EDC3: variants seen among roughly 807,000 people sequenced by gnomAD.
The protein encoded by EDC3 is enhancer of mRNA decapping 3.
A neutral mutation model predicts 41.8 loss-of-function variants in EDC3; 20 were observed. That is an observed-to-expected ratio of 0.48 (90% CI 0.34 to 0.70). The LOEUF (loss-of-function observed/expected upper bound fraction) is 0.70. Ranked by LOEUF, EDC3 falls within the 30% of genes least tolerant of loss-of-function variation. EDC3 has a pLI of 0.01. For missense variants in EDC3, 444 were observed against 636.8 expected, an observed-to-expected ratio of 0.70 and a Z score of 3.26; for synonymous variants, 206 against 243.2, an observed-to-expected ratio of 0.85 and a Z score of 1.42.
Position 74,684,595 on chromosome 15 carries a change from T to C in EDC3, c.-18-9453A>G, listed in dbSNP as rs1056025594. On this transcript the variant is annotated intron_variant, in intron 1 of 6. Coordinates refer to ENST00000315127, the MANE Select transcript of EDC3 (RefSeq NM_025083.5). ...ACTTATATTCAACAACTGTAGGTCCTAGCCAGTGTAATAAGACAAGAAAAA... is the reference window on the plus strand; with the variant it reads ...ACTTATATTCAACAACTGTAGGTCCCAGCCAGTGTAATAAGACAAGAAAAA... 1.3e-4 allele frequency among the ~76,000 whole-genome samples: 20 copies of C among 149,272 alleles called. No individual in the cohort carries two copies. The Admixed American group carries it at 1.3e-3, about 10-fold the overall frequency.
intron 1 of EDC3, among the ~76,000 whole-genome samples, chr15:74,685,585 A>G (rs952303901): frequency 5.9e-5 from 9 of 152,284 alleles, no homozygotes; most frequent in African/African-American, 1.9e-4. Flanking sequence ...CAAAATCTAG[A>G]GTACCTACAT....
intron 1 of EDC3, among the ~76,000 whole-genome samples, chr15:74,687,347 TAGC>T (rs1411210441): frequency 6.6e-6 from 1 of 152,074 alleles, no homozygotes; most frequent in Non-Finnish European, 1.5e-5. Flanking sequence ...AACAATGAAT[TAGC>T]AGGCTCATAC....
chr15:74,641,456 C>A (rs370921305), intron 4 of EDC3: 1 of 152,654 alleles, frequency 6.6e-6, no homozygotes, highest in East Asian at 1.9e-4. Context: ...TTATATGCAC[C>A]AGTGTCAACA....
At chr15:74,687,197 A>C (rs900661249) in intron 1 of EDC3, 4 of 152,150 alleles carry the variant, frequency 2.6e-5, no homozygotes, top group East Asian at 1.9e-4. Flanking sequence ...AAAAAAAAAA[A>C]CAAAAAACAG....
At chr15:74,635,222 T>C in intron 6 of EDC3, 187 bp downstream of exon 6, 1 of 706,044 alleles carries the variant, frequency 1.4e-6, no homozygotes, top group South Asian at 1.5e-5. Context: ...TTCATGTGAG[T>C]AGTTGGAGAG....
chr15:74,652,068 A>G (rs2062487080), intron 4 of EDC3, among the ~76,000 whole-genome samples: 1 of 152,202 alleles, frequency 6.6e-6, no homozygotes, highest in African/African-American at 2.4e-5. Flanking sequence ...GCATATCGCT[A>G]GCTCAGGAAA....
At chr15:74,649,962 A>G (rs971361012) in intron 4 of EDC3, among the ~76,000 whole-genome samples, 4 of 152,114 alleles carry the variant, frequency 2.6e-5, no homozygotes, top group Admixed American at 6.5e-5. Context: ...CACAGGTTCA[A>G]TACCTCCAAA....
At chr15:74,652,626 G>C (rs1251226955) in intron 4 of EDC3, among the ~76,000 whole-genome samples, 4 of 151,874 alleles carry the variant, frequency 2.6e-5, no homozygotes, top group African/African-American at 9.7e-5. Context: ...CTGTCACCCA[G>C]GCTGGAGTAC....
intron 1 of EDC3, among the ~76,000 whole-genome samples, chr15:74,682,867 A>T (rs1044247831): frequency 6.6e-6 from 1 of 151,494 alleles, no homozygotes; most frequent in Admixed American, 6.6e-5. Flanking sequence ...TACTAAAAAT[A>T]CAAAACTAGC....
chr15:74,670,438 ATTTAT>A (rs2062726461), intron 3 of EDC3, among the ~76,000 whole-genome samples: 1 of 151,876 alleles, frequency 6.6e-6, no homozygotes, highest in Admixed American at 6.6e-5. Context: ...ATTTTATATT[ATTTAT>A]TTTATTTTTG....
intron 3 of EDC3, among the ~76,000 whole-genome samples, chr15:74,661,567 C>T (rs1028745709): frequency 6.6e-6 from 1 of 151,780 alleles, no homozygotes; most frequent in African/African-American, 2.4e-5. Context: ...TACCTGAGGT[C>T]AGAAGTTCGA....
chr15:74,655,705 G>T, intron 4 of EDC3, 28 bp downstream of exon 4: 2 of 1,571,190 alleles, frequency 1.3e-6, no homozygotes, highest in Non-Finnish European at 1.7e-6. Flanking sequence ...ACAGCAACCA[G>T]CAGGATGTGG....
chr15:74,656,038 G>A lies in EDC3; in HGVS notation c.515C>T (p.Ala172Val), dbSNP rs758925076. ...CTTTAAACCACTTTTCTTGGGAGTT[G>A]CCTGATTTGGGTGCCTGCTACTAGA... ...WSSSSRHPNQ[A>V]TPKKSGLKNG... is the part of the protein sequence containing the mutation. The change falls in exon 4 of 7, where the codon GCA (alanine) becomes GTA (valine). Residue 172 changes from alanine to valine, a missense_variant. Ala to Val is a moderately conservative substitution (Grantham distance 64). Transcript: ENST00000315127. The A allele has an allele frequency of 6.2e-7, 1 of 1,612,382 alleles. No individual in the cohort carries two copies. The highest frequency in any genetic ancestry group is 8.5e-7 in the Non-Finnish European group (1 of 1,179,024).
At chr15:74,654,507 C>T (rs923837282) in intron 4 of EDC3, among the ~76,000 whole-genome samples, 9 of 152,150 alleles carry the variant, frequency 5.9e-5, no homozygotes, top group African/African-American at 1.2e-4. Flanking sequence ...AAATTAAACC[C>T]GATTCTGAGC....
intron 1 of EDC3, among the ~76,000 whole-genome samples, chr15:74,679,448 G>A (rs901842368): frequency 3.3e-5 from 5 of 151,754 alleles, no homozygotes; most frequent in African/African-American, 4.8e-5. Flanking sequence ...TTTAAAAATC[G>A]ATCAATTTTA....
rs188426019 is a variant in EDC3, at chr15:74,670,642, C to G, written c.484+813G>C. ...ACGAGGTTTCAACATGTTGGCCAGG[C>G]TGGCCTCAAACGCCTGACCTCAGGT... is the stretch of plus-strand genomic sequence containing the variant. On this transcript the variant is annotated intron_variant, in intron 3 of 6. Coordinates refer to ENST00000315127, the MANE Select transcript of EDC3 (RefSeq NM_025083.5). 5.9e-4 allele frequency among the ~76,000 whole-genome samples: 90 copies of G among 152,246 alleles called. 1 individual carries two copies. The highest frequency in any genetic ancestry group is 4.6e-3 in the Admixed American group (70 of 15,286).
chr15:74,693,781 C>A (rs1200593012), intron 1 of EDC3, among the ~76,000 whole-genome samples: 1 of 151,998 alleles, frequency 6.6e-6, no homozygotes, highest in South Asian at 2.1e-4. Context: ...GTCGGGAGTT[C>A]GAGACCAGCC....
intron 1 of EDC3, among the ~76,000 whole-genome samples, chr15:74,689,852 T>A (rs1430385525): frequency 6.6e-6 from 1 of 152,206 alleles, no homozygotes; most frequent in Non-Finnish European, 1.5e-5. Context: ...CACCTCCAGG[T>A]AAGAATACTT....
At chr15:74,684,260 C>G (rs188976501) in intron 1 of EDC3, among the ~76,000 whole-genome samples, 3 of 151,472 alleles carry the variant, frequency 2.0e-5, no homozygotes, top group African/African-American at 7.3e-5. Flanking sequence ...TAGTCTTGAC[C>G]TCACAGCTCA....
Sources: allele counts gnomAD v4.1 joint callset (sites outside exome capture counted in the v4.1 genomes callset), GRCh38; gene constraint gnomAD v4.1.1; transcripts MANE v1.5; gene names NCBI Gene and HGNC (gene_info 2026-07-23, HGNC 2026-07-21).